The following EPB41L3 variants were observed in gnomAD, a reference collection of about 807,000 sequenced individuals.
EPB41L3 encodes the protein erythrocyte membrane protein band 4.1 like 3.
EPB41L3 carries 57 observed loss-of-function variants against 127.1 expected under a neutral mutation model. That is an observed-to-expected ratio of 0.45 (90% CI 0.36 to 0.56). The LOEUF is 0.56. Ranked by LOEUF, EPB41L3 falls within the 20% of genes least tolerant of loss-of-function variation. The pLI, the probability that EPB41L3 is intolerant of heterozygous loss-of-function variation, is 0.00. For synonymous variants in EPB41L3, 572 were observed against 549.5 expected (o/e 1.04, Z -0.57); for missense variants, 1,273 against 1,372.2 (o/e 0.93, Z 1.14).
intron 3 of EPB41L3, chr18:5,570,805 T>C (rs2094269532): frequency 6.6e-6 from 1 of 152,172 alleles, no homozygotes; most frequent in South Asian, 2.1e-4. Flanking sequence ...TTTATTTCTC[T>C]GCTGTTGCCT....
intron 3 of EPB41L3, among the ~76,000 whole-genome samples, chr18:5,462,228 C>T (rs1242622250): frequency 6.6e-6 from 1 of 152,180 alleles, no homozygotes; most frequent in African/African-American, 2.4e-5. Flanking sequence ...GAGAATCAGA[C>T]ATCAGTCGGT....
chr18:5,404,289 A>T (rs1214315389), intron 16 of EPB41L3, among the ~76,000 whole-genome samples: 1 of 152,196 alleles, frequency 6.6e-6, no homozygotes, highest in Non-Finnish European at 1.5e-5. Context: ...TATCTAGTCA[A>T]GCTCTTTCTG....
chr18:5,589,721 A>T (rs2094469734), intron 3 of EPB41L3, among the ~76,000 whole-genome samples: 1 of 152,324 alleles, frequency 6.6e-6, no homozygotes, highest in East Asian at 1.9e-4. Context: ...AGAAAAAGTT[A>T]CGCCAGTCCT....
intron 6 of EPB41L3, among the ~76,000 whole-genome samples, chr18:5,436,610 G>A (rs1264852158): frequency 1.3e-5 from 2 of 151,712 alleles, no homozygotes; most frequent in African/African-American, 2.4e-5. Context: ...GGGTTTCACC[G>A]TGTTAGCCAG....
chr18:5,536,060 T>C (rs1231964691), intron 1 of EPB41L3, among the ~76,000 whole-genome samples: 1 of 152,048 alleles, frequency 6.6e-6, no homozygotes, highest in Admixed American at 6.5e-5. Context: ...CATGGGAGAA[T>C]GATGGGCACC....
At chr18:5,494,539 C>T (rs1180396020) in intron 1 of EPB41L3, among the ~76,000 whole-genome samples, 1 of 151,872 alleles carries the variant, frequency 6.6e-6, no homozygotes, top group Non-Finnish European at 1.5e-5. Flanking sequence ...CACCTGTAAC[C>T]CCACCTACTC....
intron 6 of EPB41L3, among the ~76,000 whole-genome samples, chr18:5,435,990 C>T (rs1295055538): frequency 6.6e-6 from 1 of 152,106 alleles, no homozygotes; most frequent in African/African-American, 2.4e-5. Context: ...CAGTTTTAAA[C>T]TGGAGAAATT....
chr18:5,428,254 G>T (rs1377804423), intron 9 of EPB41L3, 59 bp downstream of exon 9: 5 of 1,590,168 alleles, frequency 3.1e-6, no homozygotes, highest in Non-Finnish European at 4.3e-6. Flanking sequence ...TAATTTAAAT[G>T]CTTGCTTGCT....
intron 3 of EPB41L3, among the ~76,000 whole-genome samples, chr18:5,455,860 A>G (rs2082974923): frequency 6.6e-6 from 1 of 151,496 alleles, no homozygotes. Context: ...CAGGTCACTA[A>G]GCCAACGCAT....
intron 5 of EPB41L3, among the ~76,000 whole-genome samples, chr18:5,440,769 CAT>C (rs1468668220): frequency 6.6e-6 from 1 of 152,130 alleles, no homozygotes; most frequent in African/African-American, 2.4e-5. Context: ...ATTACTGTAT[CAT>C]AAACATACTT....
intron 3 of EPB41L3, among the ~76,000 whole-genome samples, chr18:5,599,843 C>T (rs533174633): frequency 2.0e-4 from 30 of 152,246 alleles, no homozygotes; most frequent in African/African-American, 6.7e-4. Flanking sequence ...TTCTTTATAG[C>T]ACTGCATGGA....
At chr18:5,561,097 C>G (rs996782219) in intron 3 of EPB41L3, among the ~76,000 whole-genome samples, 1 of 148,710 alleles carries the variant, frequency 6.7e-6, no homozygotes, top group Non-Finnish European at 1.5e-5. Flanking sequence ...CCTGCCTCAG[C>G]CTCCCGAGTA....
chr18:5,397,955 A>C lies in EPB41L3; in HGVS notation c.2472+66T>G, dbSNP rs574154985. On this transcript the variant is annotated intron_variant, in intron 17 of 22. Transcript: ENST00000341928. The surrounding 1 kb of genome is among the most constrained non-coding windows in gnomAD (Gnocchi z 4.1). ...TGGATGCAACCACACACTCACGCCC[A>C]AAAAAAGGGTAAGGAAAGGCACATG... The C allele has an allele frequency of 1.0e-4, 166 of 1,592,632 alleles. No individual in the cohort carries two copies. The highest frequency in any genetic ancestry group is 5.0e-4 in the Middle Eastern group (3 of 5,954).
rs1048938111 is a variant in EPB41L3, at chr18:5,562,274, T to C, written c.-306+50066A>G. 3.3e-5 allele frequency among the ~76,000 whole-genome samples: 5 copies of C among 152,316 alleles called. No individual in the cohort carries two copies. In the East Asian group the frequency reaches 9.6e-4, roughly 29 times the overall value. The stretch of plus-strand genomic sequence containing the variant: ...CTGTGCTGAGTTTATAACTCCTCTG[T>C]ATGTCTAAAACTATTTCAAAATAAA... On this transcript the variant is annotated intron_variant, in intron 3 of 21. Transcript: ENST00000545076.
upstream of EPB41L3, among the ~76,000 whole-genome samples, chr18:5,548,570 ATACATAGTATGT>A (rs2093918804): frequency 6.6e-6 from 1 of 152,214 alleles, no homozygotes; most frequent in Non-Finnish European, 1.5e-5. Context: ...AGGTGGACCC[ATACATAGTATGT>A]AAGTTTTATT....
At chr18:5,410,658 C>A in intron 13 of EPB41L3, 39 bp from the exon 14 acceptor site, 1 of 1,586,362 alleles carries the variant, frequency 6.3e-7, no homozygotes, top group Non-Finnish European at 8.6e-7. Flanking sequence ...AGGAGGAAGG[C>A]AGGGACAGAA....
In EPB41L3 at chr18:5,415,835, C is replaced by CA. The variant is rs2076730460; in HGVS notation, c.2049dup (p.Asp684Ter). ...GTACACACCTCTTCCTCTGAACTGT[C>CA]ACTCGGGTCATTGTCTAGGGAGGCG... On this transcript the variant is annotated frameshift_variant, in exon 13 of 23. Transcript: ENST00000341928. LOFTEE classifies it high-confidence loss of function. 6.2e-7 allele frequency: 1 copy of CA among 1,612,518 alleles called. No individual in the cohort carries two copies. Among genetic ancestry groups the CA allele is most frequent in the South Asian group, 1.1e-5 (1 of 91,018 alleles).
In EPB41L3 at chr18:5,489,094, C is replaced by G. The variant is rs746667162; in HGVS notation, c.90G>C (p.Gly30=). 6.3e-7 allele frequency: 1 copy of G among 1,593,118 alleles called. No individual in the cohort carries two copies. Among genetic ancestry groups the G allele is most frequent in the African/African-American group, 1.4e-5 (1 of 73,078 alleles). ...CCTTGGGCGGCTCCGGCACGGGCGCCCCCGCGCGCCCCTGCGCCCCCGCCG... is the reference window on the plus strand; with the variant it reads ...CCTTGGGCGGCTCCGGCACGGGCGCGCCCGCGCGCCCCTGCGCCCCCGCCG... The part of the protein sequence containing the change: ...QEAAGAQGRA[G]APVPEPPKEE... The change falls in exon 2 of 23, where the codon GGG becomes GGC. Residue 30 remains glycine (G), a synonymous_variant. Transcript: ENST00000341928.
chr18:5,460,152 C>A (rs763528395), intron 3 of EPB41L3, among the ~76,000 whole-genome samples: 7 of 152,184 alleles, frequency 4.6e-5, no homozygotes, highest in Non-Finnish European at 7.3e-5. Flanking sequence ...GATTGTGCAG[C>A]ATTTGGTTTT....
Sources: allele counts gnomAD v4.1 joint callset (sites outside exome capture counted in the v4.1 genomes callset), GRCh38; gene constraint gnomAD v4.1.1; non-coding constraint Gnocchi (gnomAD v3.1); transcripts MANE v1.5; gene names NCBI Gene and HGNC (gene_info 2026-07-23, HGNC 2026-07-21).